ILF2: variants seen among roughly 807,000 people sequenced by gnomAD.
ILF2 encodes interleukin enhancer-binding factor 2.
A neutral mutation model predicts 55.3 loss-of-function variants in ILF2; 9 were observed. The ratio of observed to expected loss-of-function variants is 0.16; its 90% CI spans 0.10 to 0.28. The LOEUF (loss-of-function observed/expected upper bound fraction) is 0.28, where lower values mean the gene tolerates loss of function less well. ILF2 is among the 10% of genes least tolerant of loss of function. The pLI is 1.00. For missense variants in ILF2, 266 were observed against 474.9 expected, an observed-to-expected ratio of 0.56 and a Z score of 4.09; for synonymous variants, 151 against 161.8, an observed-to-expected ratio of 0.93 and a Z score of 0.50.
chr1:153,664,165 T>C (rs1251825427), intron 9 of ILF2, 35 bp from the exon 10 acceptor site: 1 of 1,347,130 alleles, frequency 7.4e-7, no homozygotes, highest in Non-Finnish European at 1.1e-6. Flanking sequence ...TTAAAATCAA[T>C]ACGATCATGT....
chr1:153,668,592 C>T (rs1310661965), intron 3 of ILF2, 35 bp from the exon 4 acceptor site: 5 of 1,592,208 alleles, frequency 3.1e-6, no homozygotes, highest in Admixed American at 1.8e-5. Context: ...TTCTATTTGC[C>T]GAAGATAATA....
Position 153,664,148 on chromosome 1 carries a change from C to G in ILF2, c.657-18G>C. 1 of 1,507,466 alleles carries G rather than the reference C, an allele frequency of 6.6e-7. No homozygotes were observed. Among genetic ancestry groups the G allele is most frequent in the Non-Finnish European group, 9.2e-7 (1 of 1,086,868 alleles). The allele number at this position is 1,507,466 out of a possible 1,614,324, so 93.4% of individuals were successfully genotyped here. A position where few individuals can be genotyped will look rare whatever the true frequency, so the allele number is the denominator to read the frequency against. On this transcript the variant is annotated intron_variant, in intron 9 of 13. Coordinates refer to ENST00000361891, the MANE Select transcript of ILF2 (RefSeq NM_004515.4). ...CTTTAACTCTGAAAGTAATAGTGAC[C>G]CAAACATTAAAATCAATACGATCAT...
chr1:153,661,799 G>T lies in ILF2; in HGVS notation c.*597C>A, dbSNP rs973807958. The T allele has an allele frequency of 1.3e-5, 2 of 155,594 alleles. No homozygotes were observed. The highest frequency in any genetic ancestry group is 1.3e-4 in the Admixed American group (2 of 15,968). The allele number at this position is 155,594 out of a possible 1,614,324, so 9.6% of individuals were successfully genotyped here. A position where few individuals can be genotyped will look rare whatever the true frequency, so the allele number is the denominator to read the frequency against. On this transcript the variant is annotated 3_prime_UTR_variant, in exon 14 of 14. Transcript: ENST00000361891. ...CTTGAATACAGTAGCAGTGTTGATA[G>T]AATCATTTTATTCAATAAATACTTA...
intron 10 of ILF2, among the ~76,000 whole-genome samples, chr1:153,663,571 G>A (rs928796078): frequency 2.0e-5 from 3 of 151,490 alleles, no homozygotes; most frequent in Non-Finnish European, 2.9e-5. Context: ...GGCTTCAAGT[G>A]ATCCTCTGGC....
At chr1:153,670,382 G>C in intron 1 of ILF2, 152 bp from the exon 2 acceptor site, 1 of 699,036 alleles carries the variant, frequency 1.4e-6, no homozygotes, top group Non-Finnish European at 2.5e-6. Context: ...ATGGTGCCCA[G>C]TTACACCCCC....
In ILF2 at chr1:153,668,514, G is replaced by C. The variant is rs1449003283; in HGVS notation, c.152C>G (p.Thr51Ser). 1.9e-6 allele frequency: 3 copies of C among 1,614,096 alleles called. No individual in the cohort carries two copies. The highest frequency in any genetic ancestry group is 4.5e-5 in the East Asian group (2 of 44,888). The change falls in exon 4 of 14, where the codon ACT becomes AGT. Residue 51 changes from threonine (T) to serine (S), a missense_variant. Physicochemically the swap from Thr to Ser is moderately conservative, Grantham distance 58. Coordinates refer to ENST00000361891, the MANE Select transcript of ILF2 (RefSeq NM_004515.4). Reference protein sequence around the residue: ...FPRVKPAPDETSFSEALLKRN... With the variant: ...FPRVKPAPDESSFSEALLKRN... ...CTTCAGCAAGGCCTCACTGAAGGAA[G>C]TTTCATCAGGTGCTGGCTTGACCCG...
intron 3 of ILF2, 119 bp downstream of exon 3, chr1:153,669,717 C>T (rs1433949100): frequency 2.6e-5 from 22 of 839,832 alleles, no homozygotes; most frequent in Non-Finnish European, 4.1e-5. Context: ...GCTGAGATTA[C>T]AGGCGTGAGG....
chr1:153,663,920 G>A (rs777036541), intron 10 of ILF2, 123 bp downstream of exon 10: 22 of 475,920 alleles, frequency 4.6e-5, no homozygotes, highest in Non-Finnish European at 7.4e-5. Flanking sequence ...TTTCTTTTAA[G>A]CTTCACCAAA....
At chr1:153,663,400 T>C (rs1225664407) in intron 10 of ILF2, 124 bp from the exon 11 acceptor site, 5 of 884,830 alleles carry the variant, frequency 5.7e-6, no homozygotes, top group African/African-American at 1.7e-5. Flanking sequence ...GCAATCATAG[T>C]TCACTGTAAC....
chr1:153,663,986 C>G, intron 10 of ILF2, 57 bp downstream of exon 10: 13 of 882,896 alleles, frequency 1.5e-5, no homozygotes, highest in Non-Finnish European at 2.1e-5. Context: ...ACTACTACTA[C>G]TACTACTACT....
At position 153,661,998 on chromosome 1, in the gene ILF2, CAA is replaced by C. The variant is rs745800712; in HGVS notation, c.*396_*397del. The stretch of plus-strand genomic sequence containing the variant: ...AAAAAGGTTGCCACATGCAAAAAAA[CAA>C]ACAAACAAAAAACACCAACCAGAAA... On this transcript the variant is annotated 3_prime_UTR_variant, in exon 14 of 14. Coordinates refer to ENST00000361891, the MANE Select transcript of ILF2 (RefSeq NM_004515.4). The C allele has an allele frequency of 1.3e-5, 2 of 157,766 alleles. No individual in the cohort carries two copies. The highest frequency in any genetic ancestry group is 2.8e-5 in the Non-Finnish European group (2 of 71,844). 9.8% of individuals were successfully genotyped at this position (157,766 alleles called of 1,614,324 possible). A position where few individuals can be genotyped will look rare whatever the true frequency, so the allele number is the denominator to read the frequency against.
At position 153,662,267 on chromosome 1, in the gene ILF2, T is replaced by A; in HGVS notation, c.*129A>T. 1 of 1,171,236 alleles carries A rather than the reference T, an allele frequency of 8.5e-7. No homozygotes were observed. The highest frequency in any genetic ancestry group is 1.2e-6 in the Non-Finnish European group (1 of 826,780). 72.6% of individuals were successfully genotyped at this position (1,171,236 alleles called of 1,614,324 possible). On this transcript the variant is annotated 3_prime_UTR_variant, in exon 14 of 14. Coordinates refer to ENST00000361891, the MANE Select transcript of ILF2 (RefSeq NM_004515.4). ...TCAAAACCCAGTGGAATGACACTTC[T>A]ATGGAGTTTACTTTTCTTCCTGCTA...
chr1:153,665,805 A>G (rs1669292055), intron 6 of ILF2, 77 bp from the exon 7 acceptor site: 2 of 1,085,764 alleles, frequency 1.8e-6, no homozygotes, highest in Non-Finnish European at 2.8e-6. Flanking sequence ...GCTACTTTGC[A>G]CTCTCATTTC....
chr1:153,664,555 A>T, intron 8 of ILF2, 81 bp from the exon 9 acceptor site: 2 of 1,134,420 alleles, frequency 1.8e-6, no homozygotes, highest in Non-Finnish European at 2.7e-6. Flanking sequence ...AGTCTTAAAA[A>T]CTTGGAAGGA....
rs1038359879 is a variant in ILF2, at chr1:153,662,462, T to G, written c.1107A>C (p.Glu369Asp). Residue 369 changes from glutamate (E) to aspartate (D), a missense_variant, in exon 14 of 14, where the codon GAA becomes GAC. Glu to Asp is a conservative substitution (Grantham distance 45). Transcript: ENST00000361891. ...GTGGTTCTTCTGTATTCTCCTCTTC[T>G]TCCTCTCCTTCCTTCTTCTCTGGTG... ...EKPPEKKEGE[E>D]EEENTEEPPQ... 4.3e-6 allele frequency: 7 copies of G among 1,612,782 alleles called. No individual in the cohort carries two copies. In the African/African-American group the frequency reaches 9.3e-5, roughly 22 times the overall value.
At chr1:153,664,871 T>C (rs894777346) in intron 8 of ILF2, among the ~76,000 whole-genome samples, 1 of 152,230 alleles carries the variant, frequency 6.6e-6, no homozygotes, top group South Asian at 2.1e-4. Context: ...TCTGCAATTC[T>C]TTAAGCCACC....
chr1:153,667,947 T>C (rs1669353723), intron 5 of ILF2, 53 bp downstream of exon 5: 1 of 1,301,208 alleles, frequency 7.7e-7, no homozygotes, highest in Non-Finnish European at 1.1e-6. Flanking sequence ...GCCAAGGCAA[T>C]TTCCACACTA....
chr1:153,662,806 G>C lies in ILF2; in HGVS notation c.922-11C>G. 6.2e-7 allele frequency: 1 copy of C among 1,610,512 alleles called. No individual in the cohort carries two copies. The highest frequency in any genetic ancestry group is 1.7e-4 in the Middle Eastern group (1 of 6,058). On this transcript the variant is annotated splice_polypyrimidine_tract_variant and intron_variant, in intron 12 of 13. Coordinates refer to ENST00000361891, the MANE Select transcript of ILF2 (RefSeq NM_004515.4). Reference sequence around the variant, plus strand: ...ATAGCAGACCATGTCCTGAAGGAAAGCAAAGTGAGAGTAAGCAAGGAAAAT... The same window carrying C: ...ATAGCAGACCATGTCCTGAAGGAAACCAAAGTGAGAGTAAGCAAGGAAAAT...
At chr1:153,664,928 A>C (rs6427671) in intron 8 of ILF2, among the ~76,000 whole-genome samples, 2 of 152,104 alleles carry the variant, frequency 1.3e-5, no homozygotes, top group Non-Finnish European at 1.5e-5. Flanking sequence ...ATCACTAGAA[A>C]CATGCAAGAT....
Sources: allele counts gnomAD v4.1 joint callset (sites outside exome capture counted in the v4.1 genomes callset), GRCh38; gene constraint gnomAD v4.1.1; transcripts MANE v1.5; gene names NCBI Gene and HGNC (gene_info 2026-07-23, HGNC 2026-07-21).